Variants in P2RX7 observed in about 807,000 individuals in gnomAD.
The protein encoded by P2RX7 is purinergic receptor P2X 7, also known as P2X purinoceptor 7.
In P2RX7, 62 loss-of-function variants were observed where a neutral mutation model predicts 71.6. That is an observed-to-expected ratio of 0.87 (90% CI 0.71 to 1.07). The LOEUF (loss-of-function observed/expected upper bound fraction) is 1.07. Among genes scored for constraint, P2RX7 ranks in the 50% least tolerant of loss-of-function variants. The probability of loss-of-function intolerance (pLI) is 0.00; values close to 1 mark genes in which losing one functional copy is unlikely to be tolerated. For synonymous variants in P2RX7, 299 were observed against 283.3 expected (o/e 1.06, Z -0.56); for missense variants, 686 against 748.5 (o/e 0.92, Z 0.97).
chr12:121,175,989 C>T (rs1565973682), intron 9 of P2RX7, among the ~76,000 whole-genome samples: 1 of 152,130 alleles, frequency 6.6e-6, no homozygotes, highest in Non-Finnish European at 1.5e-5. Flanking sequence ...AGGTATCAGG[C>T]AGCACCTTCG....
chr12:121,133,303 C>T (rs79890994), intron 1 of P2RX7, among the ~76,000 whole-genome samples: 186 of 152,296 alleles, frequency 1.2e-3, no homozygotes, highest in African/African-American at 4.2e-3. Context: ...ACAGGACAAG[C>T]GGGATTCCTT....
intron 11 of P2RX7, among the ~76,000 whole-genome samples, chr12:121,177,687 C>T (rs1297825899): frequency 1.4e-5 from 2 of 142,340 alleles, no homozygotes; most frequent in Non-Finnish European, 3.1e-5. Flanking sequence ...CCAATTTTGT[C>T]ATTTATTTAT....
chr12:121,143,724 C>T (rs866096087), intron 1 of P2RX7, among the ~76,000 whole-genome samples: 18 of 151,512 alleles, frequency 1.2e-4, no homozygotes, highest in Non-Finnish European at 2.1e-4. Context: ...GTGGCAGGCA[C>T]CTATATAATC....
chr12:121,180,878 TGCTTGAACCC>T (rs758626122), intron 12 of P2RX7, among the ~76,000 whole-genome samples: 1 of 151,882 alleles, frequency 6.6e-6, no homozygotes, highest in Non-Finnish European at 1.5e-5. Context: ...GCAGGAGAAC[TGCTTGAACCC>T]AGGAGGTGGA....
intron 3 of P2RX7, among the ~76,000 whole-genome samples, chr12:121,159,272 C>T (rs1460074751): frequency 6.6e-6 from 1 of 151,864 alleles, no homozygotes; most frequent in African/African-American, 2.4e-5. Flanking sequence ...CAAAAATTAG[C>T]CAGGCATGGT....
At chr12:121,142,695 T>TTG (rs992457704) in intron 1 of P2RX7, among the ~76,000 whole-genome samples, 7 of 152,120 alleles carry the variant, frequency 4.6e-5, no homozygotes, top group Non-Finnish European at 1.0e-4. Context: ...CTTCTCCTCT[T>TTG]TGTGTGTGTG....
chr12:121,149,576 C>T lies in P2RX7; in HGVS notation c.126-5209C>T, dbSNP rs189267476. On this transcript the variant is annotated intron_variant, in intron 1 of 12. Coordinates refer to ENST00000328963, the MANE Select transcript of P2RX7 (RefSeq NM_002562.6). The surrounding 1 kb of genome is among the most constrained non-coding windows in gnomAD (Gnocchi z 4.7). The stretch of plus-strand genomic sequence containing the variant: ...CACGAGAACAGTATGGGGGAAACTG[C>T]CCCCATGATTCAATTATCTCCCACC... Among the ~76,000 whole-genome samples the T allele has an allele frequency of 1.1e-3, 172 of 152,226 alleles. No homozygotes were observed. Among genetic ancestry groups the T allele is most frequent in the African/African-American group, 3.9e-3 (162 of 41,534 alleles).
Position 121,187,978 on chromosome 12 carries a change from A to G in P2RX7, c.*3176A>G, listed in dbSNP as rs1014034732. 2.0e-5 allele frequency: 3 copies of G among 152,178 alleles called. No homozygotes were observed. Among genetic ancestry groups the G allele is most frequent in the Admixed American group, 6.5e-5 (1 of 15,270 alleles). The allele number at this position is 152,178 out of a possible 1,614,324, so 9.4% of individuals were successfully genotyped here. ...AACCCTTCCTGATTTTAGCCTGGCAATGTAAGTGTCCTTAATGTGACTGTT... is the reference window on the plus strand; with the variant it reads ...AACCCTTCCTGATTTTAGCCTGGCAGTGTAAGTGTCCTTAATGTGACTGTT... On this transcript the variant is annotated 3_prime_UTR_variant, in exon 13 of 13. Coordinates refer to ENST00000328963, the MANE Select transcript of P2RX7 (RefSeq NM_002562.6).
intron 5 of P2RX7, among the ~76,000 whole-genome samples, chr12:121,163,551 TAGAA>T (rs1880272347): frequency 2.4e-5 from 3 of 123,470 alleles, no homozygotes; most frequent in Non-Finnish European, 3.7e-5. Context: ...AGATGATAGA[TAGAA>T]AGATAGATAG....
Position 121,184,562 on chromosome 12 carries a change from G to C in P2RX7, c.1548G>C (p.Leu516=), listed in dbSNP as rs201791555. The part of the protein sequence containing the change: ...CITTSELFRK[L]VLSRHVLQFL... ...CCACCTCAGAGCTGTTCAGGAAGCTGGTCCTGTCCAGACACGTCCTGCAGT... is the reference window on the plus strand; with the variant it reads ...CCACCTCAGAGCTGTTCAGGAAGCTCGTCCTGTCCAGACACGTCCTGCAGT... The change falls in exon 13 of 13, where the codon CTG becomes CTC. Residue 516 remains leucine (L), a synonymous_variant. Transcript: ENST00000328963. The C allele has an allele frequency of 9.3e-6, 15 of 1,614,074 alleles. No individual in the cohort carries two copies. Among genetic ancestry groups the C allele is most frequent in the Non-Finnish European group, 1.1e-5 (13 of 1,180,050 alleles).
chr12:121,162,632 C>G, intron 5 of P2RX7, 112 bp downstream of exon 5: 1 of 1,337,646 alleles, frequency 7.5e-7, no homozygotes, highest in Non-Finnish European at 1.0e-6. Flanking sequence ...GTCCTGGGTC[C>G]TACCGGCTTG....
At chr12:121,161,519 G>A (rs949027741) in intron 4 of P2RX7, among the ~76,000 whole-genome samples, 8 of 148,244 alleles carry the variant, frequency 5.4e-5, no homozygotes, top group East Asian at 2.0e-4. Flanking sequence ...GGCAGCGAGC[G>A]CAGAGGCTGG....
Position 121,184,424 on chromosome 12 carries a change from C to T in P2RX7, c.1410C>T (p.Ser470=), listed in dbSNP as rs760844136. 3 of 1,614,192 alleles carry T rather than the reference C, an allele frequency of 1.9e-6. No individual in the cohort carries two copies. The highest frequency in any genetic ancestry group is 3.3e-5 in the Admixed American group (2 of 60,010). Residue 470 remains serine (S), a synonymous_variant, in exon 13 of 13, where the codon TCC becomes TCT. Transcript: ENST00000328963. ...QLLRKEATPR[S]RDSPVWCQCG... ...TTAGAAAGGAGGCGACTCCTAGATC[C>T]AGGGATAGCCCCGTCTGGTGCCAGT...
At chr12:121,147,226 A>G (rs1373137860) in intron 1 of P2RX7, among the ~76,000 whole-genome samples, 1 of 152,228 alleles carries the variant, frequency 6.6e-6, no homozygotes, top group Non-Finnish European at 1.5e-5. Context: ...GCTATTTACC[A>G]TGTGACCTTG....
intron 1 of P2RX7, among the ~76,000 whole-genome samples, chr12:121,136,791 T>A (rs1873800203): frequency 6.6e-6 from 1 of 151,344 alleles, no homozygotes; most frequent in Non-Finnish European, 1.5e-5. Context: ...GGACCACAGG[T>A]GTACACCACC....
chr12:121,156,163 G>C lies in P2RX7; in HGVS notation c.363+16G>C. 6.2e-7 allele frequency: 1 copy of C among 1,608,866 alleles called. No individual in the cohort carries two copies. Among genetic ancestry groups the C allele is most frequent in the Non-Finnish European group, 8.5e-7 (1 of 1,175,186 alleles). On this transcript the variant is annotated intron_variant, in intron 3 of 12. Transcript: ENST00000328963. ...GTGTCCCGAGGTAAGGAGGGGACCT[G>C]GAGTGGTGGGTCAGGTCTTAAGAGT...
intron 1 of P2RX7, among the ~76,000 whole-genome samples, chr12:121,139,757 C>T (rs1874449824): frequency 9.1e-6 from 1 of 110,134 alleles, no homozygotes; most frequent in Admixed American, 1.1e-4. Flanking sequence ...TTTTTTGAGA[C>T]AGAGTCTCCC....
Position 121,184,783 on chromosome 12 carries a change from G to C in P2RX7, c.1769G>C (p.Gly590Ala). 1 of 1,545,960 alleles carries C rather than the reference G, an allele frequency of 6.5e-7. No homozygotes were observed. Among genetic ancestry groups the C allele is most frequent in the Non-Finnish European group, 8.7e-7 (1 of 1,143,208 alleles). The change falls in exon 13 of 13, where the codon GGC (glycine) becomes GCC (alanine). Residue 590 changes from glycine (G) to alanine (A), a missense_variant. Transcript: ENST00000328963. ...EFPKSEGQYS[G>A]FKSPY ...CCGAAGAGTGAAGGGCAGTACAGTG[G>C]CTTCAAGAGTCCTTACTGAAGCCAG...
At chr12:121,175,518 G>A in intron 9 of P2RX7, 40 bp downstream of exon 9, 1 of 895,874 alleles carries the variant, frequency 1.1e-6, no homozygotes. Flanking sequence ...GGCATCCTAT[G>A]ACTGTGTCCT....
Sources: allele counts gnomAD v4.1 joint callset (sites outside exome capture counted in the v4.1 genomes callset), GRCh38; gene constraint gnomAD v4.1.1; non-coding constraint Gnocchi (gnomAD v3.1); transcripts MANE v1.5; gene names NCBI Gene and HGNC (gene_info 2026-07-23, HGNC 2026-07-21).